The following CAMK1D variants were observed in gnomAD, a reference collection of about 807,000 sequenced individuals.
The protein encoded by CAMK1D is calcium/calmodulin-dependent protein kinase type 1D.
Under a neutral mutation model 47.7 loss-of-function variants are expected in CAMK1D, and 9 were observed. The observed-to-expected ratio is 0.19, with a 90% CI of 0.11 to 0.33. The LOEUF is 0.33. Ranked by LOEUF, CAMK1D falls within the 10% of genes least tolerant of loss-of-function variation. CAMK1D has a pLI of 1.00. For synonymous variants in CAMK1D, 184 were observed against 184.9 expected (o/e 0.99, Z 0.04); for missense variants, 291 against 488.7 (o/e 0.60, Z 3.81).
chr10:12,831,064 C>T lies in CAMK1D; in HGVS notation c.*2177C>T, dbSNP rs1264365450. 1.3e-5 allele frequency: 2 copies of T among 152,140 alleles called. No individual in the cohort carries two copies. Among genetic ancestry groups the T allele is most frequent in the Non-Finnish European group, 2.9e-5 (2 of 68,062 alleles). The allele number at this position is 152,140 out of a possible 1,614,324, so 9.4% of individuals were successfully genotyped here. ...AGACAGGCAGCTGGTCTACCCTGTCCCCGCACACTTCACAGGCACTCCACT... is the reference window on the plus strand; with the variant it reads ...AGACAGGCAGCTGGTCTACCCTGTCTCCGCACACTTCACAGGCACTCCACT... On this transcript the variant is annotated 3_prime_UTR_variant, in exon 11 of 11. Transcript: ENST00000619168.
Position 12,545,497 on chromosome 10 carries a change from G to A in CAMK1D, c.93-7728G>A, listed in dbSNP as rs114325408. ...AAAAAGGAGGAAATATACCATCTGG[G>A]CCTTTGAAAAATACATGGAATTAGC... On this transcript the variant is annotated intron_variant, in intron 1 of 10. Coordinates refer to ENST00000619168, the MANE Select transcript of CAMK1D (RefSeq NM_153498.4). 3.1e-3 allele frequency among the ~76,000 whole-genome samples: 452 copies of A among 146,108 alleles called. 2 individuals carry two copies. The highest frequency in any genetic ancestry group is 0.01 in the African/African-American group (415 of 39,824).
chr10:12,376,847 G>C (rs1303404004), intron 1 of CAMK1D, among the ~76,000 whole-genome samples: 1 of 150,714 alleles, frequency 6.6e-6, no homozygotes, highest in African/African-American at 2.4e-5. Flanking sequence ...TCCACCCTCT[G>C]CCTCCTAGGT....
At chr10:12,782,575 C>T (rs1049843597) in intron 5 of CAMK1D, among the ~76,000 whole-genome samples, 1 of 152,192 alleles carries the variant, frequency 6.6e-6, no homozygotes, top group African/African-American at 2.4e-5. Flanking sequence ...TACGCAGTGT[C>T]GCAAACTGTT....
intron 1 of CAMK1D, among the ~76,000 whole-genome samples, chr10:12,398,591 C>T (rs781076788): frequency 2.1e-4 from 32 of 152,228 alleles, no homozygotes; most frequent in African/African-American, 6.3e-4. Flanking sequence ...TCAGGTGATC[C>T]GCCCGCCTCG....
At chr10:12,649,600 C>A (rs1243862331) in intron 2 of CAMK1D, among the ~76,000 whole-genome samples, 3 of 152,176 alleles carry the variant, frequency 2.0e-5, no homozygotes, top group Admixed American at 6.5e-5. Flanking sequence ...AAGAAAGAAA[C>A]CCCAGATAAT....
chr10:12,778,979 G>A (rs1279179090), intron 5 of CAMK1D, among the ~76,000 whole-genome samples: 4 of 152,204 alleles, frequency 2.6e-5, no homozygotes, highest in South Asian at 2.1e-4. Flanking sequence ...CAAAAGTAAG[G>A]AGAGTCACAG....
chr10:12,376,920 C>T (rs11257752), intron 1 of CAMK1D, among the ~76,000 whole-genome samples: 24,293 of 151,814 alleles, frequency 0.16, 2,029 homozygotes, highest in South Asian at 0.2. Flanking sequence ...GCCACCACGC[C>T]CTGCTAATTT....
chr10:12,625,875 A>G (rs11257921), intron 2 of CAMK1D, among the ~76,000 whole-genome samples: 11,995 of 152,240 alleles, frequency 0.079, 487 homozygotes, highest in African/African-American at 0.09. Context: ...TCTGAGGCAA[A>G]AGCCATGCAC....
rs201918486 is a variant in CAMK1D, at chr10:12,790,991, ATCTT to A, written c.566-166_566-163del. ...AGCCTGGGCAACAGAGCAAGACCCTATCTTCCTTCCTTTAAAAAAAAAAAGCCAA... is the reference window on the plus strand; with the variant it reads ...AGCCTGGGCAACAGAGCAAGACCCTACCTTCCTTTAAAAAAAAAAAGCCAA... On this transcript the variant is annotated intron_variant, in intron 5 of 10. Coordinates refer to ENST00000619168, the MANE Select transcript of CAMK1D (RefSeq NM_153498.4). Among the ~76,000 whole-genome samples the A allele has an allele frequency of 7.2e-3, 986 of 136,272 alleles. 10 individuals carry two copies. The highest frequency in any genetic ancestry group is 0.026 in the African/African-American group (943 of 36,448). 89.4% of individuals were successfully genotyped at this position (136,272 alleles called of 152,430 possible). A position where few individuals can be genotyped will look rare whatever the true frequency, so the allele number is the denominator to read the frequency against.
intron 1 of CAMK1D, among the ~76,000 whole-genome samples, chr10:12,454,831 G>A (rs1299555004): frequency 2.0e-5 from 3 of 152,326 alleles, no homozygotes; most frequent in South Asian, 2.1e-4. Context: ...GGCTGTCCGC[G>A]CTCAGGTTTT....
chr10:12,601,096 G>A (rs1838287370), intron 2 of CAMK1D, among the ~76,000 whole-genome samples: 1 of 152,058 alleles, frequency 6.6e-6, no homozygotes, highest in African/African-American at 2.4e-5. Flanking sequence ...AGACATGAGT[G>A]CAGGTATCTT....
chr10:12,757,852 C>CTTTTTTTTTTTTTTTTTTTTTTTTTT (rs869125453), intron 3 of CAMK1D, among the ~76,000 whole-genome samples: 1 of 91,458 alleles, frequency 1.1e-5, no homozygotes, highest in Non-Finnish European at 2.1e-5. Context: ...GGGCCCTGCT[C>CTTTTTTTTTTTTTTTTTTTTTTTTTT]TTTTTTTTTT....
At chr10:12,722,583 T>C (rs1259079471) in intron 3 of CAMK1D, among the ~76,000 whole-genome samples, 1 of 151,948 alleles carries the variant, frequency 6.6e-6, no homozygotes, top group Non-Finnish European at 1.5e-5. Flanking sequence ...AAAATGATAC[T>C]TCATAGAGAA....
At chr10:12,820,339 C>T (rs889421595) in intron 8 of CAMK1D, among the ~76,000 whole-genome samples, 1 of 152,212 alleles carries the variant, frequency 6.6e-6, no homozygotes, top group African/African-American at 2.4e-5. Context: ...CATTTTAACC[C>T]TCCCAATAAG....
At chr10:12,658,877 A>T (rs959565765) in intron 2 of CAMK1D, among the ~76,000 whole-genome samples, 2 of 152,114 alleles carry the variant, frequency 1.3e-5, no homozygotes, top group East Asian at 3.9e-4. Context: ...CCCACGTGTG[A>T]TCCGATTTTT....
intron 1 of CAMK1D, among the ~76,000 whole-genome samples, chr10:12,505,634 T>C (rs928799350): frequency 6.6e-6 from 1 of 152,226 alleles, no homozygotes; most frequent in Non-Finnish European, 1.5e-5. Context: ...CTGGCATATT[T>C]TCACAACAAA....
chr10:12,577,050 G>A (rs1200352018), intron 2 of CAMK1D, among the ~76,000 whole-genome samples: 3 of 152,208 alleles, frequency 2.0e-5, no homozygotes, highest in South Asian at 2.1e-4. Context: ...TTTCTAGCAC[G>A]GACTGGGATG....
chr10:12,734,406 ACACACACACACACAT>A (rs1564524359), intron 3 of CAMK1D, among the ~76,000 whole-genome samples: 9 of 43,938 alleles, frequency 2.0e-4, no homozygotes, highest in African/African-American at 6.4e-4. Flanking sequence ...ATATATATAT[ACACACACACACACAT>A]GTATATATAT....
chr10:12,480,266 C>T (rs1010743925), intron 1 of CAMK1D, among the ~76,000 whole-genome samples: 2 of 152,112 alleles, frequency 1.3e-5, no homozygotes, highest in Non-Finnish European at 2.9e-5. Context: ...GAAATCCGGT[C>T]TCTACTAAAA....
Sources: gnomAD v4.1 joint callset for allele counts (sites outside exome capture counted in the v4.1 genomes callset) on GRCh38, gnomAD v4.1.1 for gene constraint, MANE v1.5 for transcripts, NCBI Gene and HGNC (gene_info 2026-07-23, HGNC 2026-07-21) for gene names.